Variants in GPR21 observed in about 807,000 individuals in gnomAD.
GPR21 encodes probable G protein-coupled receptor 21.
Under a neutral mutation model 21.5 loss-of-function variants are expected in GPR21, and 9 were observed. The observed-to-expected ratio is 0.42, with a 90% CI of 0.25 to 0.73. The LOEUF is 0.73. Among genes scored for constraint, GPR21 ranks in the 30% least tolerant of loss-of-function variants. The probability of loss-of-function intolerance (pLI) is 0.27; values close to 1 mark genes in which losing one functional copy is unlikely to be tolerated. For synonymous variants in GPR21, 169 were observed against 159.3 expected (o/e 1.06, Z -0.46); for missense variants, 416 against 428.9 (o/e 0.97, Z 0.27).
chr9:123,036,443 A>G (rs1257330982), downstream of GPR21, among the ~76,000 whole-genome samples: 4 of 152,232 alleles, frequency 2.6e-5, no homozygotes, highest in Admixed American at 2.6e-4. Flanking sequence ...TGCTTAAGCT[A>G]AAAAGTAATT....
the GPR21 span, among the ~76,000 whole-genome samples, chr9:123,045,140 TTCTG>T: frequency 2.0e-3 from 305 of 152,354 alleles, 8 homozygotes; most frequent in East Asian, 0.047. Flanking sequence ...AAGTTTTAAA[TTCTG>T]TCTATCAGCT....
downstream of GPR21, among the ~76,000 whole-genome samples, chr9:123,037,777 C>G (rs1316454471): frequency 6.6e-6 from 1 of 151,712 alleles, no homozygotes; most frequent in Non-Finnish European, 1.5e-5. Flanking sequence ...CAGTAGTGTC[C>G]CCTTTAGTGG....
At chr9:123,041,705 C>T in the GPR21 span, among the ~76,000 whole-genome samples, 2 of 152,096 alleles carry the variant, frequency 1.3e-5, no homozygotes, top group South Asian at 2.1e-4. Flanking sequence ...ACTGACTCAG[C>T]GGAATCAACA....
chr9:123,035,305 G>C lies in GPR21; in HGVS notation c.739G>C (p.Asp247His). ...GACTGGGGAAGTGCAGGCCTGTCCT[G>C]ATAAGCGCTATGCCATGGTCCTGTT... ...GETGEVQACP[D>H]KRYAMVLFRI... Residue 247 changes from aspartate to histidine, a missense_variant, in exon 2 of 2, where the codon GAT (aspartate) becomes CAT (histidine). Asp to His is a moderately conservative substitution (Grantham distance 81). Transcript: ENST00000616002. 6.2e-7 allele frequency: 1 copy of C among 1,614,184 alleles called. No individual in the cohort carries two copies. The highest frequency in any genetic ancestry group is 8.5e-7 in the Non-Finnish European group (1 of 1,180,022).
At chr9:123,041,471 C>A in the GPR21 span, among the ~76,000 whole-genome samples, 1 of 152,198 alleles carries the variant, frequency 6.6e-6, no homozygotes, top group Non-Finnish European at 1.5e-5. Context: ...AAATCCAATT[C>A]TTTGACTCTA....
At chr9:123,047,919 G>GTTTTTTTTTTTTTTTTTTTTTTTTTTT in the GPR21 span, among the ~76,000 whole-genome samples, 3 of 62,282 alleles carry the variant, frequency 4.8e-5, 1 homozygote, top group Non-Finnish European at 1.1e-4. Context: ...CAGCTGCTGG[G>GTTTTTTTTTTTTTTTTTTTTTTTTTTT]TTTTTTTTTT....
At chr9:123,047,384 T>C in the GPR21 span, among the ~76,000 whole-genome samples, 1 of 152,210 alleles carries the variant, frequency 6.6e-6, no homozygotes, top group Non-Finnish European at 1.5e-5. Flanking sequence ...CTAGTAACTT[T>C]TAAAGTAGCT....
Position 123,034,883 on chromosome 9 carries a change from G to C in GPR21, c.317G>C (p.Gly106Ala), listed in dbSNP as rs749280190. 7 of 1,613,778 alleles carry C rather than the reference G, an allele frequency of 4.3e-6. No individual in the cohort carries two copies. The highest frequency in any genetic ancestry group is 5.9e-6 in the Non-Finnish European group (7 of 1,179,860). ...VEESLTCQIFGFVVSVLKSVS... is the reference protein window; with the variant it reads ...VEESLTCQIFAFVVSVLKSVS... ...GAGTCCTTGACTTGCCAGATATTTGGTTTTGTAGTATCAGTTCTGAAGAGC... is the reference window on the plus strand; with the variant it reads ...GAGTCCTTGACTTGCCAGATATTTGCTTTTGTAGTATCAGTTCTGAAGAGC... Residue 106 changes from glycine to alanine, a missense_variant, in exon 2 of 2, where the codon GGT (glycine) becomes GCT (alanine). Physicochemically the swap from Gly to Ala is moderately conservative, Grantham distance 60. Transcript: ENST00000616002.
At chr9:123,036,434 G>A (rs1484802096), downstream of GPR21, among the ~76,000 whole-genome samples, 1 of 152,190 alleles carries the variant, frequency 6.6e-6, no homozygotes, top group Non-Finnish European at 1.5e-5. Flanking sequence ...AGCAAAATGT[G>A]CTTAAGCTAA....
downstream of GPR21, among the ~76,000 whole-genome samples, chr9:123,038,156 A>G (rs2032765751): frequency 6.6e-6 from 1 of 152,144 alleles, no homozygotes. Context: ...CAAATGGACT[A>G]GTGTGCTCAA....
Position 123,034,965 on chromosome 9 carries a change from A to G in GPR21, c.399A>G (p.Lys133=). ...TTGATAGATACATTGCCATTACTAA[A>G]CCTTTAACCTATAATACTCTGGTTA... is the stretch of plus-strand genomic sequence containing the variant. The part of the protein sequence containing the change: ...ISIDRYIAIT[K]PLTYNTLVTP... The change falls in exon 2 of 2, where the codon AAA becomes AAG. Residue 133 remains lysine (K), a synonymous_variant. Transcript: ENST00000616002. 1 of 1,613,378 alleles carries G rather than the reference A, an allele frequency of 6.2e-7. No individual in the cohort carries two copies. The highest frequency in any genetic ancestry group is 8.5e-7 in the Non-Finnish European group (1 of 1,179,642).
downstream of GPR21, chr9:123,035,828 A>G (rs1269752798): frequency 2.1e-6 from 1 of 481,928 alleles, no homozygotes; most frequent in Non-Finnish European, 3.6e-6. Context: ...TAGAAGACTC[A>G]AGATCATGAA....
chr9:123,034,829 C>T lies in GPR21; in HGVS notation c.263C>T (p.Ser88Leu). 2 of 1,613,966 alleles carry T rather than the reference C, an allele frequency of 1.2e-6. No homozygotes were observed. The highest frequency in any genetic ancestry group is 1.3e-5 in the African/African-American group (1 of 75,032). The change falls in exon 2 of 2, where the codon TCA (serine) becomes TTA (leucine). Residue 88 changes from serine (S) to leucine (L), a missense_variant. By Grantham distance (145) the Ser-to-Leu change is moderately radical. Transcript: ENST00000616002. ...VGVSCVVPSL[S>L]LLHHPLPVEE... ...GTGAGCTGCGTGGTCCCTTCTTTAT[C>T]ACTCCTCCATCACCCCCTTCCAGTA...
chr9:123,039,852 G>A (rs1350898947), downstream of GPR21, among the ~76,000 whole-genome samples: 2 of 152,066 alleles, frequency 1.3e-5, no homozygotes, highest in African/African-American at 4.8e-5. Flanking sequence ...TTTTGCTTTT[G>A]TCTCCCTTTC....
the GPR21 span, among the ~76,000 whole-genome samples, chr9:123,044,626 C>CGTGTGTGTGTGTGT: frequency 8.1e-5 from 12 of 148,978 alleles, no homozygotes; most frequent in African/African-American, 2.7e-4. Flanking sequence ...AACACACGTA[C>CGTGTGTGTGTGTGT]GTGTGTGTGT....
At chr9:123,036,622 TG>T (rs2032677892), downstream of GPR21, among the ~76,000 whole-genome samples, 1 of 152,300 alleles carries the variant, frequency 6.6e-6, no homozygotes, top group East Asian at 1.9e-4. Flanking sequence ...GTATACAGAT[TG>T]TTTTTTTAAA....
At chr9:123,047,075 T>C in the GPR21 span, among the ~76,000 whole-genome samples, 2 of 152,072 alleles carry the variant, frequency 1.3e-5, no homozygotes, top group African/African-American at 4.8e-5. Flanking sequence ...GCTTAGAAAA[T>C]AGGAGTTTTC....
downstream of GPR21, among the ~76,000 whole-genome samples, chr9:123,039,658 C>T (rs1021733979): frequency 6.6e-6 from 1 of 152,240 alleles, no homozygotes; most frequent in Admixed American, 6.5e-5. Flanking sequence ...TCTGGAAACT[C>T]TGTAGCTTCG....
At chr9:123,043,204 T>C in the GPR21 span, among the ~76,000 whole-genome samples, 1 of 151,984 alleles carries the variant, frequency 6.6e-6, no homozygotes, top group Non-Finnish European at 1.5e-5. Flanking sequence ...AGGAAATAAA[T>C]AAAGAGATAC....
Sources: allele counts gnomAD v4.1 joint callset (sites outside exome capture counted in the v4.1 genomes callset), GRCh38; gene constraint gnomAD v4.1.1; transcripts MANE v1.5; gene names NCBI Gene and HGNC (gene_info 2026-07-23, HGNC 2026-07-21).